The following SKAP1 variants were observed in gnomAD, a reference collection of about 807,000 sequenced individuals.
SKAP1 encodes src kinase associated phosphoprotein 1.
Under a neutral mutation model 58.5 loss-of-function variants are expected in SKAP1, and 44 were observed. The ratio of observed to expected loss-of-function variants is 0.75; its 90% CI spans 0.59 to 0.97. SKAP1 has a LOEUF of 0.97. Ranked by LOEUF, SKAP1 falls within the 50% of genes least tolerant of loss-of-function variation. SKAP1 has a pLI of 0.00. For synonymous variants in SKAP1, 127 were observed against 149.7 expected (o/e 0.85, Z 1.11); for missense variants, 390 against 435.2 (o/e 0.90, Z 0.92).
chr17:48,152,869 AT>A (rs2063918570), intron 11 of SKAP1, among the ~76,000 whole-genome samples: 3 of 152,328 alleles, frequency 2.0e-5, no homozygotes, highest in Middle Eastern at 6.8e-3. Flanking sequence ...AATGGCTGGA[AT>A]TTTTTACACT....
chr17:48,185,418 T>C (rs1436771794), intron 6 of SKAP1, among the ~76,000 whole-genome samples: 3 of 152,086 alleles, frequency 2.0e-5, no homozygotes, highest in South Asian at 2.1e-4. Flanking sequence ...ACCTGGGAAG[T>C]AGCAGAATAA....
chr17:48,239,865 A>AGAGAGG (rs2065226773), intron 4 of SKAP1, among the ~76,000 whole-genome samples: 1 of 151,734 alleles, frequency 6.6e-6, no homozygotes, highest in Non-Finnish European at 1.5e-5. Context: ...AGAGAGAGAG[A>AGAGAGG]GAGAGAGAGA....
intron 1 of SKAP1, among the ~76,000 whole-genome samples, chr17:48,429,829 C>T (rs951936649): frequency 6.6e-6 from 1 of 152,076 alleles, no homozygotes; most frequent in Non-Finnish European, 1.5e-5. Flanking sequence ...CTTTAGAAGC[C>T]GGGGAGGTGA....
chr17:48,214,930 G>GTAAAATAAAATAAAATAAAA (rs58154261), intron 4 of SKAP1, among the ~76,000 whole-genome samples: 9,724 of 126,812 alleles, frequency 0.077, 548 homozygotes, highest in Non-Finnish European at 0.086. Context: ...TCAAAATAAA[G>GTAAAATAAAATAAAATAAAA]TAAAATAAAA....
chr17:48,236,962 G>A (rs1036352758), intron 4 of SKAP1, among the ~76,000 whole-genome samples: 3 of 152,180 alleles, frequency 2.0e-5, no homozygotes, highest in African/African-American at 7.2e-5. Context: ...CAAAACAACA[G>A]TAAGAGGTAG....
At chr17:48,177,786 A>C (rs554832237) in intron 9 of SKAP1, among the ~76,000 whole-genome samples, 1 of 152,120 alleles carries the variant, frequency 6.6e-6, no homozygotes, top group South Asian at 2.1e-4. Flanking sequence ...AATATATCCC[A>C]CCTCCAACTC....
At chr17:48,188,071 G>C (rs2305433) in intron 5 of SKAP1, 145 bp from the exon 6 acceptor site, 364,360 of 614,426 alleles carry the variant, frequency 0.59, 112,128 homozygotes, top group East Asian at 0.78. Flanking sequence ...CACTCCCACA[G>C]GTTATCCCAT....
rs184214005 is a variant in SKAP1, at chr17:48,425,320, T to C, written c.46+4755A>G. Among the ~76,000 whole-genome samples the C allele has an allele frequency of 4.9e-4, 74 of 152,262 alleles. No homozygotes were observed. In the East Asian group the frequency reaches 0.012, roughly 25 times the overall value. ...GAAAAATTATAAGTAGAAAAATCAA[T>C]AGACAAACCTGTGCACAAATATGTC... On this transcript the variant is annotated intron_variant, in intron 1 of 12. Coordinates refer to ENST00000336915, the MANE Select transcript of SKAP1 (RefSeq NM_003726.4).
At chr17:48,244,366 C>T (rs1473256584) in intron 4 of SKAP1, among the ~76,000 whole-genome samples, 2 of 152,128 alleles carry the variant, frequency 1.3e-5, no homozygotes, top group Admixed American at 6.5e-5. Context: ...TAACACTCCC[C>T]AAATGGAAGG....
At chr17:48,244,140 C>G (rs190383964) in intron 4 of SKAP1, among the ~76,000 whole-genome samples, 1 of 152,302 alleles carries the variant, frequency 6.6e-6, no homozygotes, top group Admixed American at 6.5e-5. Context: ...TAATGTGGTT[C>G]TGCTTTCAGT....
chr17:48,422,103 C>T lies in SKAP1; in HGVS notation c.46+7972G>A, dbSNP rs142942448. Among the ~76,000 whole-genome samples the T allele has an allele frequency of 3.4e-3, 524 of 152,130 alleles. 7 individuals are homozygous for T. The highest frequency in any genetic ancestry group is 0.012 in the African/African-American group (498 of 41,500). On this transcript the variant is annotated intron_variant, in intron 1 of 12. Transcript: ENST00000336915. The stretch of plus-strand genomic sequence containing the variant: ...GTGTGCACCTGTAGTCCCAGCTACT[C>T]GGGAGGGTGAGGCAGGAGAATCGCT...
intron 4 of SKAP1, among the ~76,000 whole-genome samples, chr17:48,325,248 CAAAAAAAAAAA>C (rs200281665): frequency 0.28 from 25,415 of 91,384 alleles, 2,543 homozygotes; most frequent in East Asian, 0.33. Flanking sequence ...GACTCCGTCT[CAAAAAAAAAAA>C]AAAAAAAAAA....
At chr17:48,437,616 C>A in the SKAP1 span, among the ~76,000 whole-genome samples, 1 of 151,694 alleles carries the variant, frequency 6.6e-6, no homozygotes, top group African/African-American at 2.4e-5. Flanking sequence ...GTGGCACACG[C>A]TTTTAGTCCC....
chr17:48,233,885 C>T (rs1337227758), intron 4 of SKAP1, among the ~76,000 whole-genome samples: 1 of 152,020 alleles, frequency 6.6e-6, no homozygotes, highest in Admixed American at 6.6e-5. Context: ...CTTAGAGTGG[C>T]AGAAATACAA....
chr17:48,173,177 C>T (rs1305361839), intron 9 of SKAP1, among the ~76,000 whole-genome samples: 1 of 122,380 alleles, frequency 8.2e-6, no homozygotes, highest in Non-Finnish European at 1.8e-5. Flanking sequence ...CAGAGCGAGA[C>T]CTTGTCTCTA....
chr17:48,369,181 A>AAAT lies in SKAP1; in HGVS notation c.153-5368_153-5367insATT, dbSNP rs1567886539. Among the ~76,000 whole-genome samples the AAAT allele has an allele frequency of 2.9e-3, 428 of 149,518 alleles. 4 individuals are homozygous for AAAT. The highest frequency in any genetic ancestry group is 0.01 in the African/African-American group (413 of 40,284). ...AATAAATAAATAAATAAATAAATAT[A>AAAT]AAATAAAGATGTTTTAACTGAACTT... On this transcript the variant is annotated intron_variant, in intron 2 of 12. Transcript: ENST00000336915.
intron 9 of SKAP1, among the ~76,000 whole-genome samples, chr17:48,178,604 C>T (rs760425586): frequency 6.6e-5 from 10 of 152,216 alleles, no homozygotes; most frequent in Non-Finnish European, 1.3e-4. Flanking sequence ...CCCATCACTG[C>T]TCGTTGCTTT....
rs2065949935 is a variant in SKAP1 at position 48,295,141 on chromosome 17, C to CT, written c.280+50763dup. Among the ~76,000 whole-genome samples, 3 of 152,138 alleles carry CT rather than the reference C, an allele frequency of 2.0e-5. No homozygotes were observed. The South Asian group carries it at 6.2e-4, about 31-fold the overall frequency. ...CCTGTAGAAAGCCCTCTGCTAGACT[C>CT]TTATATGATCACTATGTTTTGCACG... On this transcript the variant is annotated intron_variant, in intron 4 of 12. Transcript: ENST00000336915.
At chr17:48,315,270 T>G (rs942167852) in intron 4 of SKAP1, among the ~76,000 whole-genome samples, 4 of 152,226 alleles carry the variant, frequency 2.6e-5, no homozygotes, top group Non-Finnish European at 4.4e-5. Flanking sequence ...TCTCTGGGGT[T>G]GAGCATGCTC....
Sources: allele counts gnomAD v4.1 joint callset (sites outside exome capture counted in the v4.1 genomes callset), GRCh38; gene constraint gnomAD v4.1.1; transcripts MANE v1.5; gene names NCBI Gene and HGNC (gene_info 2026-07-23, HGNC 2026-07-21).